FAM3C: variants seen among roughly 807,000 people sequenced by gnomAD.
FAM3C encodes protein FAM3C.
Under a neutral mutation model 32.5 loss-of-function variants are expected in FAM3C, and 15 were observed. That is an observed-to-expected ratio of 0.46 (90% CI 0.31 to 0.71). The LOEUF is 0.71. Among genes scored for constraint, FAM3C ranks in the 30% least tolerant of loss-of-function variants. The probability of loss-of-function intolerance (pLI) is 0.05; values close to 1 mark genes in which losing one functional copy is unlikely to be tolerated. For synonymous variants in FAM3C, 75 were observed against 86.1 expected (o/e 0.87, Z 0.72); for missense variants, 175 against 274.4 (o/e 0.64, Z 2.56).
chr7:121,378,184 G>A (rs1221165059), intron 3 of FAM3C, among the ~76,000 whole-genome samples: 1 of 151,944 alleles, frequency 6.6e-6, no homozygotes. Context: ...GTTATTTTAT[G>A]AACGTAAGGA....
At chr7:121,384,267 TA>T (rs1161549577) in intron 1 of FAM3C, among the ~76,000 whole-genome samples, 1 of 152,342 alleles carries the variant, frequency 6.6e-6, no homozygotes, top group East Asian at 1.9e-4. Flanking sequence ...GTCAATGTTA[TA>T]TATCTATTTC....
intron 8 of FAM3C, among the ~76,000 whole-genome samples, chr7:121,353,499 A>T (rs1793748771): frequency 6.6e-6 from 1 of 152,206 alleles, no homozygotes; most frequent in Non-Finnish European, 1.5e-5. Flanking sequence ...TACTAGCAAG[A>T]CTGACCCTTG....
intron 3 of FAM3C, among the ~76,000 whole-genome samples, chr7:121,374,721 T>A (rs1314056937): frequency 6.6e-6 from 1 of 152,120 alleles, no homozygotes; most frequent in East Asian, 1.9e-4. Context: ...GTACTACACT[T>A]CAGTTTTGAC....
At chr7:121,389,347 A>G (rs1451023220) in intron 1 of FAM3C, among the ~76,000 whole-genome samples, 1 of 152,178 alleles carries the variant, frequency 6.6e-6, no homozygotes, top group Non-Finnish European at 1.5e-5. Flanking sequence ...TGTCTTCCAA[A>G]AACACTTCAA....
intron 8 of FAM3C, among the ~76,000 whole-genome samples, chr7:121,358,094 A>G (rs550940672): frequency 1.8e-4 from 28 of 152,294 alleles, no homozygotes; most frequent in South Asian, 1.7e-3. Context: ...TAGGTAGATG[A>G]AAATGCTTGA....
chr7:121,364,093 A>G (rs576569676), intron 6 of FAM3C, 37 bp downstream of exon 6: 81 of 1,376,404 alleles, frequency 5.9e-5, no homozygotes, highest in Admixed American at 3.9e-4. Context: ...AAAAATACCC[A>G]ATGATTACAT....
intron 3 of FAM3C, 95 bp from the exon 4 acceptor site, chr7:121,372,234 A>G (rs996663933): frequency 1.3e-6 from 1 of 778,218 alleles, no homozygotes; most frequent in Non-Finnish European, 2.2e-6. Context: ...TAAGTGTTCA[A>G]ATAATGATTC....
At position 121,350,234 on chromosome 7, in the gene FAM3C, T is replaced by A. The variant is rs1793676599; in HGVS notation, c.*227A>T. The A allele has an allele frequency of 2.0e-6, 1 of 504,386 alleles. No individual in the cohort carries two copies. 31.2% of individuals were successfully genotyped at this position (504,386 alleles called of 1,614,324 possible). ...CATAGCAGTCTAAACATTGTACTTT[T>A]AGGGAAATGTGCGGAGACATGGTTC... is the stretch of plus-strand genomic sequence containing the variant. On this transcript the variant is annotated 3_prime_UTR_variant, in exon 10 of 10. Transcript: ENST00000359943.
At chr7:121,383,471 T>C (rs971367987) in intron 1 of FAM3C, among the ~76,000 whole-genome samples, 4 of 152,172 alleles carry the variant, frequency 2.6e-5, no homozygotes, top group African/African-American at 9.7e-5. Context: ...ATTTTTGATA[T>C]GACATAATTC....
intron 1 of FAM3C, among the ~76,000 whole-genome samples, chr7:121,385,155 G>A (rs1317783658): frequency 1.3e-5 from 2 of 151,964 alleles, no homozygotes; most frequent in Admixed American, 6.6e-5. Context: ...GGCAACAGGC[G>A]AAAGGGCTTA....
At chr7:121,389,059 C>T (rs1045796788) in intron 1 of FAM3C, among the ~76,000 whole-genome samples, 2 of 152,102 alleles carry the variant, frequency 1.3e-5, no homozygotes, top group African/African-American at 2.4e-5. Flanking sequence ...CCTGCTTCTC[C>T]CTCCACTTAA....
chr7:121,388,859 G>T (rs1794519283), intron 1 of FAM3C, among the ~76,000 whole-genome samples: 1 of 152,122 alleles, frequency 6.6e-6, no homozygotes, highest in Non-Finnish European at 1.5e-5. Context: ...ACCAATGCCA[G>T]ATATGAAGCA....
intron 3 of FAM3C, among the ~76,000 whole-genome samples, chr7:121,375,680 T>A (rs768989865): frequency 1.6e-4 from 24 of 152,142 alleles, no homozygotes; most frequent in Non-Finnish European, 3.4e-4. Flanking sequence ...AGAGGAACCA[T>A]CAGCTGCATG....
At chr7:121,395,129 A>G (rs1361884327) in intron 1 of FAM3C, among the ~76,000 whole-genome samples, 6 of 152,160 alleles carry the variant, frequency 3.9e-5, no homozygotes, top group Non-Finnish European at 8.8e-5. Context: ...ACAGTAAGCA[A>G]TCTAATATTA....
rs148080962 is a variant in FAM3C at position 121,360,733 on chromosome 7, T to G, written c.383-606A>C. 2.6e-5 allele frequency among the ~76,000 whole-genome samples: 4 copies of G among 152,068 alleles called. No homozygotes were observed. The East Asian group carries it at 5.8e-4, about 22-fold the overall frequency. On this transcript the variant is annotated intron_variant, in intron 7 of 9. Transcript: ENST00000359943. Reference sequence around the variant, plus strand: ...CCTGTAGTCCTAGCTACTCAGGAAGTTGAGGCAGGAGAACTGCTTTGAGGC... The same window carrying G: ...CCTGTAGTCCTAGCTACTCAGGAAGGTGAGGCAGGAGAACTGCTTTGAGGC...
Position 121,364,039 on chromosome 7 carries a change from C to A in FAM3C, c.331+91G>T, listed in dbSNP as rs547448525. 3 of 861,804 alleles carry A rather than the reference C, an allele frequency of 3.5e-6. No individual in the cohort carries two copies. The East Asian group carries it at 7.4e-5, about 21-fold the overall frequency. 53.4% of individuals were successfully genotyped at this position (861,804 alleles called of 1,614,324 possible). On this transcript the variant is annotated intron_variant, in intron 6 of 9. Transcript: ENST00000359943. ...GAGGGCTTTATCATCAAGAGCAGTA[C>A]TTTCTAACCTGATCCTCTGATAGTG...
Position 121,364,270 on chromosome 7 carries a change from G to T in FAM3C, c.273-82C>A, listed in dbSNP as rs2109806. Reference sequence around the variant, plus strand: ...AGAAAAATAAAGTCTTGCAAAAAAAGTTAGGAATATTATACATATTTTCAA... The same window carrying T: ...AGAAAAATAAAGTCTTGCAAAAAAATTTAGGAATATTATACATATTTTCAA... On this transcript the variant is annotated intron_variant, in intron 5 of 9. Transcript: ENST00000359943. 0.024 allele frequency: 21,641 copies of T among 908,146 alleles called. 3,166 individuals are homozygous for T. In the African/African-American group the frequency reaches 0.32, roughly 13 times the overall value. 56.3% of individuals were successfully genotyped at this position (908,146 alleles called of 1,614,324 possible).
chr7:121,353,285 G>A (rs1486097582), intron 8 of FAM3C, among the ~76,000 whole-genome samples: 1 of 152,100 alleles, frequency 6.6e-6, no homozygotes, highest in Non-Finnish European at 1.5e-5. Context: ...TCTTATTTTT[G>A]TACTCCTGAA....
At chr7:121,352,444 C>T (rs1181872831) in intron 8 of FAM3C, among the ~76,000 whole-genome samples, 1 of 152,190 alleles carries the variant, frequency 6.6e-6, no homozygotes, top group Non-Finnish European at 1.5e-5. Flanking sequence ...CACTGCTGTC[C>T]ACCTGGAGGA....
Sources: gnomAD v4.1 joint callset for allele counts (sites outside exome capture counted in the v4.1 genomes callset) on GRCh38, gnomAD v4.1.1 for gene constraint, MANE v1.5 for transcripts, NCBI Gene and HGNC (gene_info 2026-07-23, HGNC 2026-07-21) for gene names.